The following FBH1 variants were observed in gnomAD, a reference collection of about 807,000 sequenced individuals.
FBH1 encodes F-box DNA helicase 1.
A neutral mutation model predicts 115.5 loss-of-function variants in FBH1; 43 were observed. The observed-to-expected ratio is 0.37, with a 90% CI of 0.29 to 0.48. FBH1 has a LOEUF of 0.48. Among genes scored for constraint, FBH1 ranks in the 20% least tolerant of loss-of-function variants. The pLI is 0.99. For synonymous variants in FBH1, 524 were observed against 507.8 expected (o/e 1.03, Z -0.43); for missense variants, 1,001 against 1,337.3 (o/e 0.75, Z 3.92).
At chr10:5,905,604 T>C (rs1387971883) in intron 2 of FBH1, among the ~76,000 whole-genome samples, 1 of 152,226 alleles carries the variant, frequency 6.6e-6, no homozygotes, top group Non-Finnish European at 1.5e-5. Flanking sequence ...TTCCGAATCC[T>C]GATGACCCCA....
At position 5,909,554 on chromosome 10, in the gene FBH1, A is replaced by G. The variant is rs770603689; in HGVS notation, c.1020+260A>G. 1 of 440,032 alleles carries G rather than the reference A, an allele frequency of 2.3e-6. No homozygotes were observed. Among genetic ancestry groups the G allele is most frequent in the Non-Finnish European group, 4.0e-6 (1 of 251,130 alleles). 27.3% of individuals were successfully genotyped at this position (440,032 alleles called of 1,614,324 possible). A position where few individuals can be genotyped will look rare whatever the true frequency, so the allele number is the denominator to read the frequency against. On this transcript the variant is annotated intron_variant, in intron 5 of 20. Coordinates refer to ENST00000362091, the MANE Select transcript of FBH1 (RefSeq NM_178150.3). This position sits in a 1 kb window ranked among gnomAD's most constrained non-coding sequence, Gnocchi z 4.4. The stretch of plus-strand genomic sequence containing the variant: ...ATTTGGTTGAGGAATCTTCTCTGAA[A>G]TATTTCTGAAAAGTGGTCATCTAGC...
At position 5,913,822 on chromosome 10, in the gene FBH1, G is replaced by A; in HGVS notation, c.1287G>A (p.Glu429=). 6.3e-7 allele frequency: 1 copy of A among 1,598,464 alleles called. No homozygotes were observed. ...SCTQATKVKE[E]PSVWPGKKTI... ...CTCAGGCCACAAAAGTTAAAGAGGAGCCATCTGTCTGGCCAGGGTATGTGT... is the reference window on the plus strand; with the variant it reads ...CTCAGGCCACAAAAGTTAAAGAGGAACCATCTGTCTGGCCAGGGTATGTGT... Residue 429 remains glutamate (E), a synonymous_variant, in exon 7 of 21, where the codon GAG becomes GAA. Coordinates refer to ENST00000362091, the MANE Select transcript of FBH1 (RefSeq NM_178150.3). The surrounding 1 kb of genome is among the most constrained non-coding windows in gnomAD (Gnocchi z 4.4).
At chr10:5,899,555 T>C (rs756034893) in intron 1 of FBH1, among the ~76,000 whole-genome samples, 15 of 152,162 alleles carry the variant, frequency 9.9e-5, no homozygotes, top group African/African-American at 2.2e-4. Context: ...TCTGAAGCAA[T>C]TGGGACTGTT....
Position 5,906,238 on chromosome 10 carries a change from C to T in FBH1, c.359C>T (p.Ser120Phe), listed in dbSNP as rs148367099. The change falls in exon 3 of 21, where the codon TCC becomes TTC. Residue 120 changes from serine to phenylalanine, a missense_variant. Ser to Phe is a radical substitution (Grantham distance 155). Transcript: ENST00000362091. The surrounding 1 kb of genome is among the most constrained non-coding windows in gnomAD (Gnocchi z 7.3). ...GPGSPGSAPPSRKRSWSSEEE... is the reference protein window; with the variant it reads ...GPGSPGSAPPFRKRSWSSEEE... ...GGCTCACCAGGGTCTGCCCCGCCCT[C>T]CAGGAAGCGGTCTTGGTCCTCTGAG... 1 of 1,614,170 alleles carries T rather than the reference C, an allele frequency of 6.2e-7. No individual in the cohort carries two copies. Among genetic ancestry groups the T allele is most frequent in the South Asian group, 1.1e-5 (1 of 91,084 alleles).
intron 1 of FBH1, chr10:5,893,941 T>C (rs1842872285): frequency 1.0e-6 from 1 of 963,566 alleles, no homozygotes; most frequent in Non-Finnish European, 1.2e-6. Context: ...GTAGTGATCT[T>C]TCTCTTGTTT....
chr10:5,915,269 C>G lies in FBH1; in HGVS notation c.1397-134C>G, dbSNP rs1831854839. The G allele has an allele frequency of 1.1e-6, 1 of 874,164 alleles. No individual in the cohort carries two copies. Among genetic ancestry groups the G allele is most frequent in the African/African-American group, 1.7e-5 (1 of 58,542 alleles). The allele number at this position is 874,164 out of a possible 1,614,324, so 54.2% of individuals were successfully genotyped here. On this transcript the variant is annotated intron_variant, in intron 8 of 20. Transcript: ENST00000362091. This position sits in a 1 kb window ranked among gnomAD's most constrained non-coding sequence, Gnocchi z 5.2. ...TGCTCTTTTGGTGGCACTACTTTTA[C>G]CAGCACTGAAAAACTTGTTACTGTC...
chr10:5,932,199 CA>C lies in FBH1; in HGVS notation c.2830-4256del, dbSNP rs1193573296. Among the ~76,000 whole-genome samples, 1 of 152,224 alleles carries C rather than the reference CA, an allele frequency of 6.6e-6. No individual in the cohort carries two copies. The highest frequency in any genetic ancestry group is 1.9e-4 in the East Asian group (1 of 5,202). ...AGAGAAGTCTCATTACCTCCCTGTT[CA>C]CTTCAGACTGTTCTCTGCCTCCACC... On this transcript the variant is annotated intron_variant, in intron 19 of 20. Coordinates refer to ENST00000362091, the MANE Select transcript of FBH1 (RefSeq NM_178150.3). This position sits in a 1 kb window ranked among gnomAD's most constrained non-coding sequence, Gnocchi z 5.9.
Position 5,900,941 on chromosome 10 carries a change from A to G in FBH1, c.2-2079A>G, listed in dbSNP as rs938838982. ...GTAAAACCCCGTCTCTACTAAAGAT[A>G]CAAAAGTTAGCTGGGTGTGGTGGAG... On this transcript the variant is annotated intron_variant, in intron 1 of 20. Coordinates refer to ENST00000362091, the MANE Select transcript of FBH1 (RefSeq NM_178150.3). The surrounding 1 kb of genome is among the most constrained non-coding windows in gnomAD (Gnocchi z 4.2). Among the ~76,000 whole-genome samples the G allele has an allele frequency of 1.3e-5, 2 of 152,032 alleles. No homozygotes were observed. Among genetic ancestry groups the G allele is most frequent in the African/African-American group, 4.8e-5 (2 of 41,396 alleles).
In FBH1 at chr10:5,897,178, C is replaced by T. The variant is rs887389272; in HGVS notation, c.2-5842C>T. Among the ~76,000 whole-genome samples, 1 of 152,196 alleles carries T rather than the reference C, an allele frequency of 6.6e-6. No individual in the cohort carries two copies. Among genetic ancestry groups the T allele is most frequent in the Non-Finnish European group, 1.5e-5 (1 of 68,040 alleles). On this transcript the variant is annotated intron_variant, in intron 1 of 20. Transcript: ENST00000362091. This position sits in a 1 kb window ranked among gnomAD's most constrained non-coding sequence, Gnocchi z 4.7. ...ATTTAGAGATAGGTGTTGTCACCCT[C>T]AATGTGGGTGGCTTGAGTACTTACA...
At chr10:5,934,062 C>A (rs1271817609) in intron 19 of FBH1, among the ~76,000 whole-genome samples, 1 of 152,102 alleles carries the variant, frequency 6.6e-6, no homozygotes, top group African/African-American at 2.4e-5. Context: ...TAATGAAGAT[C>A]CCGAGTTGGG....
chr10:5,916,178 T>C lies in FBH1; in HGVS notation c.1566-56T>C, dbSNP rs1831924954. On this transcript the variant is annotated intron_variant, in intron 9 of 20. Coordinates refer to ENST00000362091, the MANE Select transcript of FBH1 (RefSeq NM_178150.3). ...ACATTAGAGAGAATGGAGGGGACGT[T>C]CAATAGCACCAAGCCAGGAGAGCCA... is the stretch of plus-strand genomic sequence containing the variant. The C allele has an allele frequency of 4.0e-6, 6 of 1,484,692 alleles. No individual in the cohort carries two copies. The Admixed American group carries it at 1.0e-4, about 25-fold the overall frequency. 92.0% of individuals were successfully genotyped at this position (1,484,692 alleles called of 1,614,324 possible). A position where few individuals can be genotyped will look rare whatever the true frequency, so the allele number is the denominator to read the frequency against.
chr10:5,892,100 G>A (rs962407642), intron 1 of FBH1, among the ~76,000 whole-genome samples: 2 of 152,156 alleles, frequency 1.3e-5, no homozygotes, highest in Admixed American at 6.5e-5. Context: ...CTAGAGGGGC[G>A]GGATCTGAAC....
chr10:5,908,037 T>C (rs1178493530), intron 3 of FBH1, among the ~76,000 whole-genome samples: 1 of 152,202 alleles, frequency 6.6e-6, no homozygotes. Context: ...TAGTCCATAG[T>C]GTTGTTCAGA....
chr10:5,896,579 T>C (rs1326935665), intron 1 of FBH1, among the ~76,000 whole-genome samples: 2 of 152,166 alleles, frequency 1.3e-5, no homozygotes, highest in Admixed American at 1.3e-4. Context: ...CTCTAACACA[T>C]TTCTGTTGGT....
chr10:5,892,657 A>G (rs898430125), intron 1 of FBH1, among the ~76,000 whole-genome samples: 1 of 152,254 alleles, frequency 6.6e-6, no homozygotes, highest in East Asian at 1.9e-4. Context: ...TTTTAAAACT[A>G]GGACTTTCAG....
At position 5,932,804 on chromosome 10, in the gene FBH1, G is replaced by A. The variant is rs181285084; in HGVS notation, c.2830-3652G>A. 4.7e-3 allele frequency among the ~76,000 whole-genome samples: 717 copies of A among 152,120 alleles called. 5 individuals carry two copies. The highest frequency in any genetic ancestry group is 0.016 in the African/African-American group (680 of 41,490). The stretch of plus-strand genomic sequence containing the variant: ...ACAATCTTGGCCCACTGCAACCTCC[G>A]CCTCCCAGGCTCAAGCCATCCTCCC... On this transcript the variant is annotated intron_variant, in intron 19 of 20. Transcript: ENST00000362091. The surrounding 1 kb of genome is among the most constrained non-coding windows in gnomAD (Gnocchi z 5.9).
chr10:5,894,910 C>G, intron 1 of FBH1: 3 of 809,408 alleles, frequency 3.7e-6, no homozygotes, highest in South Asian at 1.9e-5. Flanking sequence ...TGCACACTTA[C>G]ACAAAGAATT....
Position 5,909,395 on chromosome 10 carries a change from AT to A in FBH1, c.1020+102del. On this transcript the variant is annotated intron_variant, in intron 5 of 20. Transcript: ENST00000362091. This position sits in a 1 kb window ranked among gnomAD's most constrained non-coding sequence, Gnocchi z 4.4. ...GAGGATGACTTTATATTTATTTTTA[AT>A]GTCTGTATTTAATCTCTGAATGCTT... The A allele has an allele frequency of 7.5e-7, 1 of 1,339,634 alleles. No individual in the cohort carries two copies. The allele number at this position is 1,339,634 out of a possible 1,614,324, so 83.0% of individuals were successfully genotyped here.
chr10:5,921,341 T>C lies in FBH1; in HGVS notation c.2184T>C (p.Val728=), dbSNP rs771865008. ...AGAGAGTCAGGAAAAAGACTTTGGT[T>C]GGAGGAAACCATCAGAGTAAGGCTT... ...VCKRVRKKTL[V]GGNHQSGIRG... is the part of the protein sequence containing the mutation. The change falls in exon 14 of 21, where the codon GTT becomes GTC. Residue 728 remains valine (V), a synonymous_variant. Coordinates refer to ENST00000362091, the MANE Select transcript of FBH1 (RefSeq NM_178150.3). The surrounding 1 kb of genome is among the most constrained non-coding windows in gnomAD (Gnocchi z 6.4). 3.7e-6 allele frequency: 6 copies of C among 1,614,238 alleles called. No homozygotes were observed. Among genetic ancestry groups the C allele is most frequent in the Middle Eastern group, 1.6e-4 (1 of 6,062 alleles).
Sources: gnomAD v4.1 joint callset for allele counts (sites outside exome capture counted in the v4.1 genomes callset) on GRCh38, gnomAD v4.1.1 for gene constraint, Gnocchi (gnomAD v3.1) non-coding constraint, MANE v1.5 for transcripts, NCBI Gene and HGNC (gene_info 2026-07-23, HGNC 2026-07-21) for gene names.